DNAH17: variants seen among roughly 807,000 people sequenced by gnomAD.
DNAH17 encodes the protein dynein axonemal heavy chain 17, also known as axonemal beta dynein heavy chain 17.
Under a neutral mutation model 485.6 loss-of-function variants are expected in DNAH17, and 376 were observed. The observed-to-expected ratio is 0.77, with a 90% CI of 0.71 to 0.84. DNAH17 has a LOEUF of 0.84. DNAH17 is among the 40% of genes least tolerant of loss of function. The pLI is 0.00. For synonymous variants in DNAH17, 3,031 were observed against 2,405.9 expected (o/e 1.26, Z -7.60); for missense variants, 6,370 against 5,839.3 (o/e 1.09, Z -2.96).
chr17:78,528,634 G>A (rs543450475), intron 22 of DNAH17, among the ~76,000 whole-genome samples: 1 of 152,086 alleles, frequency 6.6e-6, no homozygotes, highest in Non-Finnish European at 1.5e-5. Flanking sequence ...CTCCAGGCCA[G>A]ACTCAAGAGA....
At chr17:78,462,794 A>C (rs1598492327) in intron 57 of DNAH17, 50 bp downstream of exon 57, 3 of 1,585,702 alleles carry the variant, frequency 1.9e-6, no homozygotes, top group Non-Finnish European at 2.6e-6. Context: ...AGCTCCTGCG[A>C]GGCCTCCAGG....
intron 30 of DNAH17, among the ~76,000 whole-genome samples, chr17:78,505,649 A>G (rs546072825): frequency 2.3e-4 from 35 of 152,370 alleles, no homozygotes; most frequent in African/African-American, 7.5e-4. Context: ...CCAGGCCAGG[A>G]ACCGCAGCCC....
chr17:78,475,592 C>A, intron 53 of DNAH17, 77 bp downstream of exon 53: 1 of 1,601,454 alleles, frequency 6.2e-7, no homozygotes, highest in South Asian at 1.1e-5. Flanking sequence ...CAATGCCACT[C>A]GGATGTCGAT....
Position 78,485,379 on chromosome 17 carries a change from GCTC to G in DNAH17, c.7483+168_7483+170del, listed in dbSNP as rs562901604. ...AGCACCAGAAAGAGGGGTCCCGGCT[GCTC>G]CTCCTCTGTCTCCGACTCAGGAAGG... On this transcript the variant is annotated intron_variant, in intron 47 of 80. Transcript: ENST00000389840. Among the ~76,000 whole-genome samples, 23 of 152,176 alleles carry G rather than the reference GCTC, an allele frequency of 1.5e-4. No individual in the cohort carries two copies. In the South Asian group the frequency reaches 1.9e-3, roughly 12 times the overall value.
chr17:78,446,743 A>G (rs147098758), intron 69 of DNAH17, among the ~76,000 whole-genome samples: 68 of 152,286 alleles, frequency 4.5e-4, no homozygotes, highest in African/African-American at 1.6e-3. Flanking sequence ...TCCTGGGTTC[A>G]AGCAATCCTC....
intron 12 of DNAH17, 116 bp from the exon 13 acceptor site, chr17:78,561,051 T>C: frequency 1.1e-6 from 1 of 952,376 alleles, no homozygotes; most frequent in South Asian, 1.6e-5. Context: ...ACCCAATTAC[T>C]CGAGGCTCAC....
At chr17:78,518,534 A>T (rs1231288318) in intron 25 of DNAH17, among the ~76,000 whole-genome samples, 1 of 152,230 alleles carries the variant, frequency 6.6e-6, no homozygotes, top group African/African-American at 2.4e-5. Flanking sequence ...AAATAAACAC[A>T]TCTATAATTA....
chr17:78,501,517 C>T (rs373312786), intron 34 of DNAH17, 173 bp from the exon 35 acceptor site: 28 of 993,470 alleles, frequency 2.8e-5, no homozygotes, highest in African/African-American at 8.1e-5. Context: ...AGTGGAATCT[C>T]GCTACAGAAT....
chr17:78,423,914 G>T lies in DNAH17; in HGVS notation c.13381C>A (p.Gln4461Lys). 1.2e-6 allele frequency: 2 copies of T among 1,613,966 alleles called. No individual in the cohort carries two copies. Among genetic ancestry groups the T allele is most frequent in the Non-Finnish European group, 1.7e-6 (2 of 1,179,876 alleles). ...TGTGAGGCAGGAGCGAGCTAAACCT[G>T]TAGGAGCAGCGCCACGGCTGCCAGG... is the stretch of plus-strand genomic sequence containing the variant. ...WILAAVALLL[Q>K]V Residue 4461 changes from glutamine to lysine, a missense_variant, in exon 81 of 81, where the codon CAG (glutamine) becomes AAG (lysine). Gln to Lys is a moderately conservative substitution (Grantham distance 53). Transcript: ENST00000389840.
intron 36 of DNAH17, 22 bp downstream of exon 36, chr17:78,500,283 C>T (rs2090231590): frequency 4.4e-6 from 7 of 1,599,052 alleles, no homozygotes; most frequent in Non-Finnish European, 6.0e-6. Flanking sequence ...CTGGGTCCCT[C>T]CTCCGGACCC....
At chr17:78,475,965 G>A (rs1365577901) in intron 52 of DNAH17, 132 bp from the exon 53 acceptor site, 2 of 1,024,504 alleles carry the variant, frequency 2.0e-6, no homozygotes, top group South Asian at 3.5e-5. Flanking sequence ...AGTCTCCAGG[G>A]GCCCAAACCT....
chr17:78,544,222 C>T (rs1264500552), intron 16 of DNAH17, among the ~76,000 whole-genome samples: 1 of 152,162 alleles, frequency 6.6e-6, no homozygotes, highest in African/African-American at 2.4e-5. Context: ...AAAACCAGGG[C>T]CTAGGGGAAC....
intron 36 of DNAH17, 40 bp downstream of exon 36, chr17:78,500,265 A>G (rs750783932): frequency 6.4e-7 from 1 of 1,571,416 alleles, no homozygotes; most frequent in Non-Finnish European, 8.6e-7. Context: ...CTTCTATAAA[A>G]GAAGACTCTG....
In DNAH17 at chr17:78,425,890, A is replaced by G. The variant is rs368915569; in HGVS notation, c.12916-319T>C. The stretch of plus-strand genomic sequence containing the variant: ...AAGCAATTCTCCTGCCTCAGCTTCC[A>G]GAGTAGCTGGGATTACAGGTGCAGG... On this transcript the variant is annotated intron_variant, in intron 79 of 80. Transcript: ENST00000389840. Among the ~76,000 whole-genome samples the G allele has an allele frequency of 5.9e-5, 9 of 151,298 alleles. 1 individual carries two copies. The East Asian group carries it at 7.8e-4, about 13-fold the overall frequency.
At chr17:78,428,119 C>G (rs937797348) in intron 77 of DNAH17, among the ~76,000 whole-genome samples, 1 of 152,196 alleles carries the variant, frequency 6.6e-6, no homozygotes, top group African/African-American at 2.4e-5. Flanking sequence ...CTGAGCGGCT[C>G]TGGAGTACCT....
intron 18 of DNAH17, among the ~76,000 whole-genome samples, chr17:78,538,138 C>CAAAAAAAAAAAAAAAAAAAAAAAAAAAA: frequency 9.4e-6 from 1 of 106,292 alleles, no homozygotes; most frequent in Non-Finnish European, 1.8e-5. Flanking sequence ...ACTCTGTCTC[C>CAAAAAAAAAAAAAAAAAAAAAAAAAAAA]AAAAAAAAAA....
Position 78,543,932 on chromosome 17 carries a change from A to G in DNAH17, c.2457T>C (p.Asp819=), listed in dbSNP as rs910290526. Residue 819 remains aspartate (D), a synonymous_variant, in exon 17 of 81, where the codon GAT becomes GAC. Coordinates refer to ENST00000389840, the MANE Select transcript of DNAH17 (RefSeq NM_173628.4). The part of the protein sequence containing the change: ...DNKKEALLDL[D]GRIANLNKRY... Reference sequence around the variant, plus strand: ...GCTTGTTGAGGTTGGCAATTCTTCCATCCAAGTCTAACAGGGCCTCTTTCT... The same window carrying G: ...GCTTGTTGAGGTTGGCAATTCTTCCGTCCAAGTCTAACAGGGCCTCTTTCT... 114 of 1,613,918 alleles carry G rather than the reference A, an allele frequency of 7.1e-5. 2 individuals are homozygous for G. The East Asian group carries it at 2.5e-3, about 35-fold the overall frequency.
At chr17:78,459,317 C>T (rs142278763) in intron 60 of DNAH17, 109 bp from the exon 61 acceptor site, 856 of 1,052,692 alleles carry the variant, frequency 8.1e-4, no homozygotes, top group African/African-American at 3.0e-3. Context: ...GGAGGGGCAG[C>T]GCTGGGATTC....
intron 11 of DNAH17, among the ~76,000 whole-genome samples, chr17:78,566,318 CTG>C (rs2092264989): frequency 6.6e-6 from 1 of 152,182 alleles, no homozygotes; most frequent in African/African-American, 2.4e-5. Context: ...AGTGGGAAAA[CTG>C]AATCAAGAAT....
Sources: gnomAD v4.1 joint callset for allele counts (sites outside exome capture counted in the v4.1 genomes callset) on GRCh38, gnomAD v4.1.1 for gene constraint, MANE v1.5 for transcripts, NCBI Gene and HGNC (gene_info 2026-07-23, HGNC 2026-07-21) for gene names.